The following MACF1 variants were observed in gnomAD, a reference collection of about 807,000 sequenced individuals.
MACF1 encodes microtubule actin crosslinking factor 1.
MACF1 carries 193 observed loss-of-function variants against 854.8 expected under a neutral mutation model. The observed-to-expected ratio is 0.23, with a 90% CI of 0.20 to 0.25. The LOEUF (loss-of-function observed/expected upper bound fraction) is 0.25. Among genes scored for constraint, MACF1 ranks in the 10% least tolerant of loss-of-function variants. MACF1 has a pLI of 1.00. For synonymous variants in MACF1, 3,185 were observed against 3,226.7 expected (o/e 0.99, Z 0.44); for missense variants, 7,722 against 8,929.1 (o/e 0.86, Z 5.45).
intron 1 of MACF1, among the ~76,000 whole-genome samples, chr1:39,210,246 G>A (rs1407560425): frequency 3.9e-5 from 6 of 152,044 alleles, no homozygotes; most frequent in African/African-American, 1.4e-4. Flanking sequence ...CTACAAACTA[G>A]TTAAGTGCAT....
At chr1:39,134,923 A>G (rs1643125713) in intron 2 of MACF1, among the ~76,000 whole-genome samples, 1 of 152,162 alleles carries the variant, frequency 6.6e-6, no homozygotes, top group Admixed American at 6.5e-5. Flanking sequence ...AAAATTCCAA[A>G]CCCATTAAAC....
At chr1:39,296,856 GAGA>G in intron 20 of MACF1, among the ~76,000 whole-genome samples, 1 of 151,266 alleles carries the variant, frequency 6.6e-6, no homozygotes, top group African/African-American at 2.4e-5. Context: ...AAGAAAGAAA[GAGA>G]GAAAGAATGT....
intron 2 of MACF1, among the ~76,000 whole-genome samples, chr1:39,146,504 C>T (rs1482610901): frequency 6.6e-6 from 1 of 150,906 alleles, no homozygotes; most frequent in Non-Finnish European, 1.5e-5. Context: ...CAATAGAGTA[C>T]TAGTCGGCCA....
chr1:39,448,648 A>G lies in MACF1; in HGVS notation c.20143A>G (p.Thr6715Ala), dbSNP rs774138206. ...GCCTGTGTATGATACCACAATTAGA[A>G]CTGGCAGAGCACTGAAAGAAAAGAC... is the stretch of plus-strand genomic sequence containing the variant. ...KQPVYDTTIR[T>A]GRALKEKTLL... Residue 6715 changes from threonine (T) to alanine (A), a missense_variant, in exon 84 of 101, where the codon ACT (threonine) becomes GCT (alanine). Transcript: ENST00000564288. 1.9e-6 allele frequency: 3 copies of G among 1,612,900 alleles called. No homozygotes were observed. The highest frequency in any genetic ancestry group is 2.5e-6 in the Non-Finnish European group (3 of 1,179,282).
At chr1:39,433,385 TATA>T (rs2148654521) in intron 68 of MACF1, among the ~76,000 whole-genome samples, 1 of 152,350 alleles carries the variant, frequency 6.6e-6, no homozygotes, top group East Asian at 1.9e-4. Flanking sequence ...CCATCTTCTT[TATA>T]ACAGGGGAAT....
At chr1:39,405,977 A>G (rs561226757) in intron 58 of MACF1, among the ~76,000 whole-genome samples, 23 of 152,238 alleles carry the variant, frequency 1.5e-4, no homozygotes, top group Non-Finnish European at 1.3e-4. Context: ...AGAGTTTCAC[A>G]TACCTAAACT....
In MACF1 at chr1:39,210,631, A is replaced by G. The variant is rs1451184532; in HGVS notation, c.109+5500A>G. ...TGCTTACATGTTGGACTGGTCACTT[A>G]CTTCCTCTGGTCTTCAAATTTCTAG... On this transcript the variant is annotated intron_variant, in intron 1 of 100. Transcript: ENST00000564288. Among the ~76,000 whole-genome samples the G allele has an allele frequency of 5.3e-5, 8 of 152,148 alleles. No homozygotes were observed. In the East Asian group the frequency reaches 1.5e-3, roughly 29 times the overall value.
At chr1:39,214,770 G>A (rs1273603414) in intron 1 of MACF1, among the ~76,000 whole-genome samples, 1 of 152,150 alleles carries the variant, frequency 6.6e-6, no homozygotes, top group African/African-American at 2.4e-5. Flanking sequence ...GTGAGTGTAT[G>A]AGCTTGCTCC....
chr1:39,192,047 A>G (rs144877928), intron 2 of MACF1, among the ~76,000 whole-genome samples: 2,976 of 152,218 alleles, frequency 0.02, 53 homozygotes, highest in Non-Finnish European at 0.029. Flanking sequence ...GCTACTCAGG[A>G]GACTGAGGCA....
chr1:39,094,672 C>T (rs548449949), intron 2 of MACF1, among the ~76,000 whole-genome samples: 11 of 151,328 alleles, frequency 7.3e-5, no homozygotes, highest in East Asian at 5.8e-4. Flanking sequence ...GAGCTGAGAT[C>T]GCGCCATTGC....
chr1:39,428,226 GT>G lies in MACF1; in HGVS notation c.16744del (p.Ser5582GlnfsTer4), dbSNP rs1289916248. The G allele has an allele frequency of 6.2e-7, 1 of 1,614,078 alleles. No individual in the cohort carries two copies. Among genetic ancestry groups the G allele is most frequent in the Non-Finnish European group, 8.5e-7 (1 of 1,179,988 alleles). ...CTGGCTGAGGTTGAGGACAAGCTCA[GT>G]TCAGTGTTCGTAAAGGATTTCAAAC... is the stretch of plus-strand genomic sequence containing the variant. The part of the protein sequence containing the change: ...NWLAEVEDKL[S>X]SVFVKDFKQD... On this transcript the variant is annotated frameshift_variant, in exon 63 of 101. Transcript: ENST00000564288. LOFTEE classifies it high-confidence loss of function.
Position 39,334,393 on chromosome 1 carries a change from G to T in MACF1, c.7805G>T (p.Gly2602Val). Residue 2602 changes from glycine (G) to valine (V), a missense_variant, in exon 37 of 101, where the codon GGA (glycine) becomes GTA (valine). Coordinates refer to ENST00000564288, the MANE Select transcript of MACF1 (RefSeq NM_001394062.1). ...RLTLAEAKKE[G>V]LLTNEAVLSP... is the part of the protein sequence containing the mutation. ...ACCTTGGCAGAAGCTAAAAAAGAAG[G>T]ACTGTTAACTAATGAAGCAGTATTG... is the stretch of plus-strand genomic sequence containing the variant. 1 of 1,614,040 alleles carries T rather than the reference G, an allele frequency of 6.2e-7. No individual in the cohort carries two copies. Among genetic ancestry groups the T allele is most frequent in the South Asian group, 1.1e-5 (1 of 91,074 alleles).
intron 5 of MACF1, among the ~76,000 whole-genome samples, chr1:39,255,894 C>T (rs1401693383): frequency 6.6e-6 from 1 of 152,072 alleles, no homozygotes; most frequent in African/African-American, 2.4e-5. Flanking sequence ...AAGTCTAAAT[C>T]AGGACAAAAA....
intron 6 of MACF1, chr1:39,269,522 T>G (rs1381621619): frequency 7.8e-7 from 1 of 1,289,818 alleles, no homozygotes. Flanking sequence ...GACTGCCTAC[T>G]TCTCAGAGTG....
intron 38 of MACF1, 110 bp downstream of exon 38, chr1:39,337,441 A>G: frequency 9.7e-7 from 1 of 1,035,888 alleles, no homozygotes; most frequent in Non-Finnish European, 1.4e-6. Flanking sequence ...ATTCTAGGGT[A>G]AACAATCTCA....
In MACF1 at chr1:39,380,225, A is replaced by G. The variant is rs1465454347; in HGVS notation, c.13519-19A>G. 5 of 1,609,630 alleles carry G rather than the reference A, an allele frequency of 3.1e-6. No homozygotes were observed. The South Asian group carries it at 4.4e-5, about 14-fold the overall frequency. ...TCCTGTCCAGAATCTCATGGCATGC[A>G]TGGCATTCTTTCTCCTAGGCCTTCC... On this transcript the variant is annotated intron_variant, in intron 54 of 100. Transcript: ENST00000564288.
chr1:39,473,483 T>C (rs938234707), intron 97 of MACF1, among the ~76,000 whole-genome samples: 1 of 152,222 alleles, frequency 6.6e-6, no homozygotes, highest in Non-Finnish European at 1.5e-5. Flanking sequence ...AATTTAACTT[T>C]GTGGTTTCAG....
rs368494057 is a variant in MACF1 at position 39,422,836 on chromosome 1, T to C, written c.16085T>C (p.Ile5362Thr). ...LSWLADTEEL[I>T]ANQKPPSAEY... ...TGGTTGGCAGATACCGAGGAGCTCA[T>C]AGCCAATCAGAAACCTCCATCTGCT... The change falls in exon 60 of 101, where the codon ATA becomes ACA. Residue 5362 changes from isoleucine to threonine, a missense_variant. This residue lies in a region of MACF1 where 2,807 missense variants were observed against 3,235.8 expected (regional missense o/e 0.87). Coordinates refer to ENST00000564288, the MANE Select transcript of MACF1 (RefSeq NM_001394062.1). 6.2e-6 allele frequency: 10 copies of C among 1,614,040 alleles called. No individual in the cohort carries two copies. Among genetic ancestry groups the C allele is most frequent in the African/African-American group, 2.7e-5 (2 of 74,920 alleles).
Position 39,283,708 on chromosome 1 carries a change from A to T in MACF1, c.915+193A>T, listed in dbSNP as rs751837918. Among the ~76,000 whole-genome samples, 3 of 152,246 alleles carry T rather than the reference A, an allele frequency of 2.0e-5. No homozygotes were observed. On this transcript the variant is annotated intron_variant, in intron 9 of 100. Coordinates refer to ENST00000564288, the MANE Select transcript of MACF1 (RefSeq NM_001394062.1). The surrounding 1 kb of genome is among the most constrained non-coding windows in gnomAD (Gnocchi z 4.5). ...TATTGCTAATTTTGTAACAATTAGC[A>T]TAGACTATTTGGTGCTAAATGCCAG...
Sources: allele counts gnomAD v4.1 joint callset (sites outside exome capture counted in the v4.1 genomes callset), GRCh38; gene constraint gnomAD v4.1.1; regional missense constraint gnomAD v4.1.1; non-coding constraint Gnocchi (gnomAD v3.1); transcripts MANE v1.5; gene names NCBI Gene and HGNC (gene_info 2026-07-23, HGNC 2026-07-21).